Variants in ANP32B observed in about 807,000 individuals in gnomAD.
ANP32B encodes acidic leucine-rich nuclear phosphoprotein 32 family member B.
Under a neutral mutation model 32.2 loss-of-function variants are expected in ANP32B, and 6 were observed. The ratio of observed to expected loss-of-function variants is 0.19; its 90% CI spans 0.10 to 0.37. The LOEUF (loss-of-function observed/expected upper bound fraction) is 0.37. ANP32B is among the 10% of genes least tolerant of loss of function. The pLI, the probability that ANP32B is intolerant of heterozygous loss-of-function variation, is 1.00. For synonymous variants in ANP32B, 98 were observed against 105.8 expected (o/e 0.93, Z 0.45); for missense variants, 204 against 289.2 (o/e 0.71, Z 2.14).
intron 1 of ANP32B, chr9:97,984,580 C>T (rs1010841820): frequency 6.6e-6 from 1 of 150,646 alleles, no homozygotes; most frequent in African/African-American, 2.4e-5. Flanking sequence ...GCCGCAGCGC[C>T]ATGTTGGCGG....
chr9:97,985,850 GTC>G (rs992759183), intron 1 of ANP32B, among the ~76,000 whole-genome samples: 5 of 151,882 alleles, frequency 3.3e-5, no homozygotes, highest in East Asian at 1.9e-4. Flanking sequence ...TTGAGACTGA[GTC>G]TCTCTCTTGC....
At chr9:98,008,266 T>G (rs1050777191) in intron 4 of ANP32B, among the ~76,000 whole-genome samples, 1 of 152,198 alleles carries the variant, frequency 6.6e-6, no homozygotes, top group Non-Finnish European at 1.5e-5. Flanking sequence ...TTTGACATGT[T>G]TCAAACAGTA....
intron 5 of ANP32B, among the ~76,000 whole-genome samples, chr9:98,011,785 A>G (rs1828189820): frequency 6.6e-6 from 1 of 152,230 alleles, no homozygotes; most frequent in Non-Finnish European, 1.5e-5. Context: ...CAGTAAATAT[A>G]TATCTGCTAT....
At chr9:97,996,100 A>T (rs1053923274) in intron 2 of ANP32B, among the ~76,000 whole-genome samples, 1 of 152,158 alleles carries the variant, frequency 6.6e-6, no homozygotes, top group African/African-American at 2.4e-5. Context: ...TAAGTATACT[A>T]GAGGTTCAAG....
chr9:97,988,875 T>C (rs1051439498), intron 1 of ANP32B, among the ~76,000 whole-genome samples: 17 of 152,336 alleles, frequency 1.1e-4, no homozygotes, highest in African/African-American at 3.1e-4. Flanking sequence ...TTATTTCACT[T>C]ACCATAATAA....
rs751584484 is a variant in ANP32B, at chr9:97,983,539, G to A, written c.-17G>A. ...CGCCGCGGAAAGTTAAGTTTGAAGAGGGGGGAAGAGGGGAACATGGACATG... is the reference window on the plus strand; with the variant it reads ...CGCCGCGGAAAGTTAAGTTTGAAGAAGGGGGAAGAGGGGAACATGGACATG... On this transcript the variant is annotated 5_prime_UTR_variant, in exon 1 of 7. Coordinates refer to ENST00000339399, the MANE Select transcript of ANP32B (RefSeq NM_006401.3). The A allele has an allele frequency of 7.0e-6, 11 of 1,566,782 alleles. No homozygotes were observed. Among genetic ancestry groups the A allele is most frequent in the East Asian group, 2.4e-5 (1 of 41,604 alleles).
chr9:98,010,464 G>A (rs1367734879), intron 4 of ANP32B, among the ~76,000 whole-genome samples: 1 of 152,050 alleles, frequency 6.6e-6, no homozygotes, highest in Non-Finnish European at 1.5e-5. Context: ...ATAATTGCAA[G>A]TAAGCAAAGT....
chr9:98,003,964 T>C (rs1274276542), intron 3 of ANP32B, among the ~76,000 whole-genome samples: 4 of 152,236 alleles, frequency 2.6e-5, no homozygotes, highest in Non-Finnish European at 5.9e-5. Context: ...CTCTTCTATC[T>C]ACAAGGGTCT....
intron 2 of ANP32B, among the ~76,000 whole-genome samples, chr9:97,995,961 A>C (rs932912640): frequency 6.6e-6 from 1 of 151,050 alleles, no homozygotes; most frequent in Non-Finnish European, 1.5e-5. Context: ...AGTATAATAC[A>C]TGAATTAAAA....
Position 98,013,268 on chromosome 9 carries a change from C to T in ANP32B, c.688+796C>T, listed in dbSNP as rs145853093. Reference sequence around the variant, plus strand: ...GAATTCCTGGCTGAATTCAAGTGATCCACCCACCTCGGCCTCCCAAATTAC... The same window carrying T: ...GAATTCCTGGCTGAATTCAAGTGATTCACCCACCTCGGCCTCCCAAATTAC... On this transcript the variant is annotated intron_variant, in intron 6 of 6. Transcript: ENST00000339399. Among the ~76,000 whole-genome samples, 874 of 152,292 alleles carry T rather than the reference C, an allele frequency of 5.7e-3. 8 individuals carry two copies. The highest frequency in any genetic ancestry group is 1.0e-2 in the Non-Finnish European group (678 of 68,030).
intron 1 of ANP32B, among the ~76,000 whole-genome samples, chr9:97,993,841 C>T (rs1352501990): frequency 6.6e-6 from 1 of 152,132 alleles, no homozygotes; most frequent in African/African-American, 2.4e-5. Flanking sequence ...CCTTGTTGGC[C>T]AGACTGGTCT....
chr9:97,995,559 CAGTT>C (rs1418887262), intron 2 of ANP32B, among the ~76,000 whole-genome samples: 4 of 152,194 alleles, frequency 2.6e-5, no homozygotes, highest in Middle Eastern at 3.4e-3. Context: ...CTGAGTGGGA[CAGTT>C]AGTTTTTTGG....
rs1030556886 is a variant in ANP32B at position 98,012,615 on chromosome 9, T to C, written c.688+143T>C. Reference sequence around the variant, plus strand: ...CACATTCACATTCTCGTTTCTATCGTCCCATCAGTGTGTCTGTGCTGGTGC... The same window carrying C: ...CACATTCACATTCTCGTTTCTATCGCCCCATCAGTGTGTCTGTGCTGGTGC... On this transcript the variant is annotated intron_variant, in intron 6 of 6. Transcript: ENST00000339399. 98 of 1,282,378 alleles carry C rather than the reference T, an allele frequency of 7.6e-5. 1 individual carries two copies. The highest frequency in any genetic ancestry group is 1.4e-5 in the Non-Finnish European group (13 of 934,324). The allele number at this position is 1,282,378 out of a possible 1,614,324, so 79.4% of individuals were successfully genotyped here. A position where few individuals can be genotyped will look rare whatever the true frequency, so the allele number is the denominator to read the frequency against.
intron 1 of ANP32B, among the ~76,000 whole-genome samples, chr9:97,986,204 C>T (rs1827731205): frequency 6.6e-6 from 1 of 152,246 alleles, no homozygotes; most frequent in Non-Finnish European, 1.5e-5. Context: ...AAAACATTTT[C>T]TCTGTAATAC....
intron 4 of ANP32B, among the ~76,000 whole-genome samples, chr9:98,006,426 A>G (rs1649241880): frequency 6.7e-6 from 1 of 149,856 alleles, no homozygotes; most frequent in Non-Finnish European, 1.5e-5. Context: ...CGCACTGCGT[A>G]TTTGTCTCAG....
At chr9:97,999,297 A>G (rs1827953074) in intron 3 of ANP32B, among the ~76,000 whole-genome samples, 1 of 152,206 alleles carries the variant, frequency 6.6e-6, no homozygotes, top group African/African-American at 2.4e-5. Context: ...TATAGCCTTA[A>G]ACATGTTCTT....
intron 1 of ANP32B, among the ~76,000 whole-genome samples, chr9:97,987,231 C>T (rs1049131467): frequency 2.7e-5 from 4 of 147,506 alleles, no homozygotes; most frequent in Non-Finnish European, 3.1e-5. Context: ...GGTATATTCT[C>T]ATAGTGGAAC....
At chr9:97,983,864 C>T (rs1197972528) in intron 1 of ANP32B, among the ~76,000 whole-genome samples, 5 of 151,996 alleles carry the variant, frequency 3.3e-5, no homozygotes, top group Non-Finnish European at 7.4e-5. Context: ...GCGCTTCGCC[C>T]GCCGGGGTCT....
At chr9:97,999,956 A>C (rs1178812803) in intron 3 of ANP32B, among the ~76,000 whole-genome samples, 1 of 152,216 alleles carries the variant, frequency 6.6e-6, no homozygotes, top group Non-Finnish European at 1.5e-5. Flanking sequence ...AGAGTATATT[A>C]AAATAAGTGG....
Sources: allele counts gnomAD v4.1 joint callset (sites outside exome capture counted in the v4.1 genomes callset), GRCh38; gene constraint gnomAD v4.1.1; transcripts MANE v1.5; gene names NCBI Gene and HGNC (gene_info 2026-07-23, HGNC 2026-07-21).